Variants in CEP97 observed in about 807,000 individuals in gnomAD.
CEP97 encodes centrosomal protein 97.
In CEP97, 43 loss-of-function variants were observed where a neutral mutation model predicts 73.1. The observed-to-expected ratio is 0.59, with a 90% CI of 0.46 to 0.76. The LOEUF (loss-of-function observed/expected upper bound fraction) is 0.76. Among genes scored for constraint, CEP97 ranks in the 30% least tolerant of loss-of-function variants. The pLI is 0.00. For missense variants in CEP97, 939 were observed against 1,014.0 expected, an observed-to-expected ratio of 0.93 and a Z score of 1.00; for synonymous variants, 337 against 370.0, an observed-to-expected ratio of 0.91 and a Z score of 1.02.
chr3:101,750,767 G>A (rs1576691719), intron 6 of CEP97, among the ~76,000 whole-genome samples: 1 of 152,070 alleles, frequency 6.6e-6, no homozygotes, highest in East Asian at 1.9e-4. Flanking sequence ...TATCCCCTTT[G>A]TCATTTTTTA....
At chr3:101,731,483 G>C (rs1041825288) in intron 4 of CEP97, among the ~76,000 whole-genome samples, 1 of 152,114 alleles carries the variant, frequency 6.6e-6, no homozygotes, top group Admixed American at 6.5e-5. Context: ...TTACAGGCAT[G>C]AGCCACCACA....
chr3:101,753,307 G>C (rs1170871317), intron 6 of CEP97, among the ~76,000 whole-genome samples: 1 of 152,160 alleles, frequency 6.6e-6, no homozygotes, highest in Admixed American at 6.5e-5. Context: ...TGCCCCTACT[G>C]GGGGGTGCCT....
At position 101,732,630 on chromosome 3, in the gene CEP97, G is replaced by C. The variant is rs148610973; in HGVS notation, c.704G>C (p.Gly235Ala). ...SWCLNLRVLD[G>A]YVISQKESLK... ...TGCCTAAACCTCAGAGTCCTAGATGGATATGTGATTTCTCAGAAGGAAAGG... is the reference window on the plus strand; with the variant it reads ...TGCCTAAACCTCAGAGTCCTAGATGCATATGTGATTTCTCAGAAGGAAAGG... The change falls in exon 6 of 11, where the codon GGA (glycine) becomes GCA (alanine). Residue 235 changes from glycine (G) to alanine (A), a missense_variant. Coordinates refer to ENST00000341893, the MANE Select transcript of CEP97 (RefSeq NM_024548.4). 1.1e-5 allele frequency: 18 copies of C among 1,608,686 alleles called. No individual in the cohort carries two copies. In the African/African-American group the frequency reaches 2.4e-4, roughly 22 times the overall value.
intron 8 of CEP97, 139 bp downstream of exon 8, chr3:101,757,335 T>C (rs1258022161): frequency 1.1e-6 from 1 of 885,722 alleles, no homozygotes; most frequent in Non-Finnish European, 1.7e-6. Flanking sequence ...CTTATACATA[T>C]CTATGTATAA....
chr3:101,747,152 C>G (rs1938642709), intron 6 of CEP97, among the ~76,000 whole-genome samples: 1 of 151,202 alleles, frequency 6.6e-6, no homozygotes, highest in Admixed American at 6.6e-5. Context: ...CTAGAAATAA[C>G]ATTTGACCCA....
chr3:101,732,708 T>G, intron 6 of CEP97, 54 bp downstream of exon 6: 3 of 1,432,522 alleles, frequency 2.1e-6, no homozygotes, highest in Non-Finnish European at 2.9e-6. Context: ...CATTTCTAGT[T>G]TACTACAGAT....
At chr3:101,739,694 T>A (rs1255358495) in intron 6 of CEP97, among the ~76,000 whole-genome samples, 1 of 151,804 alleles carries the variant, frequency 6.6e-6, no homozygotes, top group Non-Finnish European at 1.5e-5. Flanking sequence ...GATCATGAGG[T>A]CAGACGTTAA....
At chr3:101,730,801 T>C (rs374166057) in intron 4 of CEP97, among the ~76,000 whole-genome samples, 7 of 152,176 alleles carry the variant, frequency 4.6e-5, no homozygotes, top group African/African-American at 1.4e-4. Flanking sequence ...CCATCAGATA[T>C]GTTCATTAAG....
chr3:101,751,484 A>T (rs1469005173), intron 6 of CEP97, among the ~76,000 whole-genome samples: 1 of 152,130 alleles, frequency 6.6e-6, no homozygotes, highest in African/African-American at 2.4e-5. Context: ...CTTTCTGTCT[A>T]GTTGATCTGT....
At chr3:101,732,722 T>C in intron 6 of CEP97, 68 bp downstream of exon 6, 1 of 1,349,484 alleles carries the variant, frequency 7.4e-7, no homozygotes, top group Non-Finnish European at 1.0e-6. Flanking sequence ...TACAGATTAA[T>C]AGAGTATTTC....
rs1356910324 is a variant in CEP97 at position 101,768,784 on chromosome 3, G to A, written c.*3233G>A. The A allele has an allele frequency of 6.6e-6, 1 of 152,188 alleles. No individual in the cohort carries two copies. The highest frequency in any genetic ancestry group is 1.9e-4 in the East Asian group (1 of 5,202). The allele number at this position is 152,188 out of a possible 1,614,324, so 9.4% of individuals were successfully genotyped here. ...ATAAAATTTTCTAGAGAAATGCTGA[G>A]TTTGATGACATTTTATCTTCAGTTT... On this transcript the variant is annotated 3_prime_UTR_variant, in exon 11 of 11. Transcript: ENST00000341893.
At chr3:101,752,589 G>A (rs899287524) in intron 6 of CEP97, among the ~76,000 whole-genome samples, 4 of 152,036 alleles carry the variant, frequency 2.6e-5, no homozygotes, top group East Asian at 1.9e-4. Context: ...GGCTTTGTTC[G>A]TTTCTTTTTA....
At chr3:101,757,334 A>G (rs1164320210) in intron 8 of CEP97, 138 bp downstream of exon 8, 3 of 910,588 alleles carry the variant, frequency 3.3e-6, no homozygotes. Context: ...TCTTATACAT[A>G]TCTATGTATA....
In CEP97 at chr3:101,727,430, G is replaced by A; in HGVS notation, c.234G>A (p.Lys78=). 6.2e-7 allele frequency: 1 copy of A among 1,613,970 alleles called. No homozygotes were observed. The highest frequency in any genetic ancestry group is 8.5e-7 in the Non-Finnish European group (1 of 1,179,906). ...NRLVRMMGVA[K]LTLLRVLNLP... ...TGGTTCGGATGATGGGTGTGGCCAAGCTGACGTTGCTTCGTGTATTAAATT... is the reference window on the plus strand; with the variant it reads ...TGGTTCGGATGATGGGTGTGGCCAAACTGACGTTGCTTCGTGTATTAAATT... The change falls in exon 3 of 11, where the codon AAG becomes AAA. Residue 78 remains lysine, a synonymous_variant. Coordinates refer to ENST00000341893, the MANE Select transcript of CEP97 (RefSeq NM_024548.4).
chr3:101,731,391 A>ATGTTGCCCAGGCT (rs1211203137), intron 4 of CEP97, among the ~76,000 whole-genome samples: 1 of 151,642 alleles, frequency 6.6e-6, no homozygotes, highest in Non-Finnish European at 1.5e-5. Context: ...AGTAGAGACC[A>ATGTTGCCCAGGCT]GGTCTCACTA....
chr3:101,726,181 T>C (rs1382737963), intron 1 of CEP97, among the ~76,000 whole-genome samples: 3 of 152,230 alleles, frequency 2.0e-5, no homozygotes, highest in Non-Finnish European at 2.9e-5. Flanking sequence ...AACTATACTT[T>C]GATTTTCAAA....
At chr3:101,747,329 G>A (rs947277065) in intron 6 of CEP97, among the ~76,000 whole-genome samples, 2 of 147,212 alleles carry the variant, frequency 1.4e-5, no homozygotes, top group Non-Finnish European at 3.0e-5. Context: ...GCACGATCTC[G>A]GCTCACTGCA....
intron 10 of CEP97, chr3:101,763,230 C>G: frequency 8.4e-7 from 1 of 1,193,614 alleles, no homozygotes; most frequent in Non-Finnish European, 1.1e-6. Context: ...TAGGATTTGA[C>G]CTATAAAATG....
At chr3:101,737,956 A>C (rs768137961) in intron 6 of CEP97, among the ~76,000 whole-genome samples, 16 of 151,124 alleles carry the variant, frequency 1.1e-4, no homozygotes, top group Admixed American at 4.0e-4. Context: ...TCTCACATGT[A>C]AAGACACACA....
Sources: gnomAD v4.1 joint callset for allele counts (sites outside exome capture counted in the v4.1 genomes callset) on GRCh38, gnomAD v4.1.1 for gene constraint, MANE v1.5 for transcripts, NCBI Gene and HGNC (gene_info 2026-07-23, HGNC 2026-07-21) for gene names.